The following LGR6 variants were observed in gnomAD, a reference collection of about 807,000 sequenced individuals.
LGR6 encodes leucine rich repeat containing G protein-coupled receptor 6.
LGR6 carries 45 observed loss-of-function variants against 69.4 expected under a neutral mutation model. The ratio of observed to expected loss-of-function variants is 0.65; its 90% CI spans 0.51 to 0.83. The LOEUF is 0.83. Among genes scored for constraint, LGR6 ranks in the 40% least tolerant of loss-of-function variants. The pLI, the probability that LGR6 is intolerant of heterozygous loss-of-function variation, is 0.00. For missense variants in LGR6, 1,108 were observed against 1,246.7 expected, an observed-to-expected ratio of 0.89 and a Z score of 1.68; for synonymous variants, 538 against 555.0, an observed-to-expected ratio of 0.97 and a Z score of 0.43.
At chr1:202,290,312 C>G (rs1230200012) in intron 6 of LGR6, among the ~76,000 whole-genome samples, 1 of 152,212 alleles carries the variant, frequency 6.6e-6, no homozygotes, top group East Asian at 1.9e-4. Context: ...AAAAAGACAT[C>G]TAACTTCCAA....
At chr1:202,229,645 C>T (rs969998474) in intron 3 of LGR6, among the ~76,000 whole-genome samples, 4 of 152,264 alleles carry the variant, frequency 2.6e-5, no homozygotes, top group African/African-American at 9.6e-5. Flanking sequence ...CTCCCGCCCC[C>T]CTTTCTGCAA....
At chr1:202,271,820 A>AAG (rs1553249584) in intron 4 of LGR6, among the ~76,000 whole-genome samples, 4,027 of 150,088 alleles carry the variant, frequency 0.027, 99 homozygotes, top group East Asian at 0.084. Context: ...AAAAAAAAAA[A>AAG]AAAAAAAAAG....
chr1:202,266,301 C>T (rs909277128), intron 4 of LGR6, among the ~76,000 whole-genome samples: 8 of 152,018 alleles, frequency 5.3e-5, no homozygotes, highest in Non-Finnish European at 8.8e-5. Flanking sequence ...AGAATTTGTC[C>T]AAAGAATGTA....
chr1:202,219,328 G>A (rs112710728), intron 1 of LGR6, among the ~76,000 whole-genome samples: 5,237 of 152,298 alleles, frequency 0.034, 324 homozygotes, highest in African/African-American at 0.12. Flanking sequence ...ATGGGGAGGG[G>A]TTGCTGCTGA....
At chr1:202,201,379 T>C (rs1658829717) in intron 1 of LGR6, among the ~76,000 whole-genome samples, 1 of 152,242 alleles carries the variant, frequency 6.6e-6, no homozygotes, top group Non-Finnish European at 1.5e-5. Flanking sequence ...TAACCAGCGT[T>C]TATTGAATGA....
At chr1:202,252,602 G>A (rs1370129061) in intron 4 of LGR6, among the ~76,000 whole-genome samples, 1 of 152,254 alleles carries the variant, frequency 6.6e-6, no homozygotes, top group Non-Finnish European at 1.5e-5. Context: ...CAGGGGCATG[G>A]AGAAGAACCT....
intron 1 of LGR6, among the ~76,000 whole-genome samples, chr1:202,195,622 C>T (rs1350082712): frequency 6.6e-6 from 1 of 152,200 alleles, no homozygotes; most frequent in Non-Finnish European, 1.5e-5. Context: ...GGGCAGGCTC[C>T]GGCCCCACCC....
intron 1 of LGR6, among the ~76,000 whole-genome samples, chr1:202,220,591 A>T (rs1660082755): frequency 6.6e-6 from 1 of 152,190 alleles, no homozygotes; most frequent in African/African-American, 2.4e-5. Context: ...AGACTTAGAG[A>T]TGGGAAGTGA....
intron 9 of LGR6, among the ~76,000 whole-genome samples, chr1:202,302,505 A>G (rs984090173): frequency 1.6e-4 from 24 of 152,208 alleles, no homozygotes; most frequent in Middle Eastern, 6.8e-3. Context: ...GAAGGAGGAA[A>G]ACCACCAGTC....
chr1:202,316,221 C>G (rs1259501112), intron 17 of LGR6, among the ~76,000 whole-genome samples: 1 of 152,152 alleles, frequency 6.6e-6, no homozygotes, highest in Non-Finnish European at 1.5e-5. Context: ...ATTCTGGTGG[C>G]TGGGAGGTTC....
rs1395379475 is a variant in LGR6, at chr1:202,318,345, C to T, written c.2042C>T (p.Pro681Leu). The part of the protein sequence containing the change: ...VSCVRAYGKS[P>L]SLGSVRAGVL... ...TGTGTCCGGGCCTATGGGAAGTCCC[C>T]CTCCCTGGGCAGCGTTCGAGCAGGG... Residue 681 changes from proline to leucine, a missense_variant, in exon 18 of 18, where the codon CCC becomes CTC. Transcript: ENST00000367278. The T allele has an allele frequency of 1.3e-6, 2 of 1,597,226 alleles. No individual in the cohort carries two copies. Among genetic ancestry groups the T allele is most frequent in the Non-Finnish European group, 1.7e-6 (2 of 1,171,600 alleles).
chr1:202,232,112 A>G (rs1042092087), intron 3 of LGR6, among the ~76,000 whole-genome samples: 12 of 152,182 alleles, frequency 7.9e-5, no homozygotes, highest in African/African-American at 2.9e-4. Context: ...AAAAAAAAAA[A>G]AAAGCATTTT....
At chr1:202,303,435 A>G in intron 10 of LGR6, 88 bp downstream of exon 10, 1 of 1,042,348 alleles carries the variant, frequency 9.6e-7, no homozygotes, top group African/African-American at 1.6e-5. Flanking sequence ...AAGGCTGTCT[A>G]GGTTCCTTGC....
chr1:202,317,592 C>T (rs1167387358), intron 17 of LGR6, among the ~76,000 whole-genome samples: 1 of 152,130 alleles, frequency 6.6e-6, no homozygotes, highest in Non-Finnish European at 1.5e-5. Flanking sequence ...ACAATCCATC[C>T]GCCTCAGCCT....
At chr1:202,243,609 T>A (rs1176122962) in intron 4 of LGR6, among the ~76,000 whole-genome samples, 2 of 152,068 alleles carry the variant, frequency 1.3e-5, no homozygotes, top group African/African-American at 4.8e-5. Context: ...GTGACTTGCC[T>A]GGGATTCCCC....
chr1:202,193,951 C>T lies in LGR6; in HGVS notation c.-39C>T, dbSNP rs1012416262. On this transcript the variant is annotated 5_prime_UTR_variant, in exon 1 of 18. Coordinates refer to ENST00000367278, the MANE Select transcript of LGR6 (RefSeq NM_001017403.2). The stretch of plus-strand genomic sequence containing the variant: ...CTGCGGCCATCGCGCCGTGCGTCCG[C>T]GCCCGGCCGCCAGGTGCCCCAGTAG... The T allele has an allele frequency of 9.6e-6, 12 of 1,251,376 alleles. No individual in the cohort carries two copies. Among genetic ancestry groups the T allele is most frequent in the African/African-American group, 9.5e-5 (6 of 62,942 alleles). 77.5% of individuals were successfully genotyped at this position (1,251,376 alleles called of 1,614,324 possible).
At chr1:202,206,278 A>T (rs780840846) in intron 1 of LGR6, among the ~76,000 whole-genome samples, 2 of 152,252 alleles carry the variant, frequency 1.3e-5, no homozygotes, top group Admixed American at 6.5e-5. Flanking sequence ...AAAGCAAGAG[A>T]GAATGAGCAT....
chr1:202,195,499 C>T (rs945002011), intron 1 of LGR6, among the ~76,000 whole-genome samples: 2 of 152,134 alleles, frequency 1.3e-5, no homozygotes, highest in African/African-American at 4.8e-5. Context: ...AAATAATGTC[C>T]ATCTAGAAGG....
intron 4 of LGR6, among the ~76,000 whole-genome samples, chr1:202,249,070 G>A (rs542302705): frequency 4.4e-4 from 67 of 152,136 alleles, no homozygotes; most frequent in African/African-American, 1.6e-3. Context: ...TCAGCAGCAG[G>A]GCCACCAGTA....
Sources: gnomAD v4.1 joint callset for allele counts (sites outside exome capture counted in the v4.1 genomes callset) on GRCh38, gnomAD v4.1.1 for gene constraint, MANE v1.5 for transcripts, NCBI Gene and HGNC (gene_info 2026-07-23, HGNC 2026-07-21) for gene names.